ASIC2: variants seen among roughly 807,000 people sequenced by gnomAD.
ASIC2 encodes the protein acid sensing ion channel subunit 2.
A neutral mutation model predicts 57.3 loss-of-function variants in ASIC2; 25 were observed. That is an observed-to-expected ratio of 0.44 (90% CI 0.32 to 0.61). ASIC2 has a LOEUF of 0.61. ASIC2 is among the 20% of genes least tolerant of loss of function. ASIC2 has a pLI of 0.06. For synonymous variants in ASIC2, 319 were observed against 307.5 expected (o/e 1.04, Z -0.39); for missense variants, 641 against 738.1 (o/e 0.87, Z 1.52).
At chr17:33,697,260 G>C (rs778121070) in intron 1 of ASIC2, among the ~76,000 whole-genome samples, 13 of 152,118 alleles carry the variant, frequency 8.5e-5, no homozygotes, top group Non-Finnish European at 1.8e-4. Flanking sequence ...CCAGTCTCAG[G>C]TATCTCTTTA....
At chr17:34,140,814 T>A (rs1476305405) in intron 1 of ASIC2, among the ~76,000 whole-genome samples, 3 of 152,052 alleles carry the variant, frequency 2.0e-5, no homozygotes, top group Non-Finnish European at 4.4e-5. Flanking sequence ...CTAATAAATG[T>A]AGAAAGGATG....
intron 1 of ASIC2, among the ~76,000 whole-genome samples, chr17:33,203,034 G>A (rs917331590): frequency 4.6e-5 from 7 of 152,202 alleles, no homozygotes; most frequent in Non-Finnish European, 8.8e-5. Flanking sequence ...CGAGAAAGGT[G>A]GCACGTGGTG....
intron 1 of ASIC2, among the ~76,000 whole-genome samples, chr17:33,340,874 G>A (rs1480000052): frequency 1.3e-5 from 2 of 152,094 alleles, no homozygotes; most frequent in East Asian, 3.9e-4. Context: ...GCATCATTTA[G>A]GGAGGAACTC....
chr17:33,600,504 G>A (rs1195152944), intron 1 of ASIC2, among the ~76,000 whole-genome samples: 2 of 152,212 alleles, frequency 1.3e-5, no homozygotes, highest in Admixed American at 1.3e-4. Flanking sequence ...CTGAAAATGT[G>A]GAAATGGCTT....
At chr17:34,046,930 G>A (rs975414946) in intron 1 of ASIC2, among the ~76,000 whole-genome samples, 1 of 151,996 alleles carries the variant, frequency 6.6e-6, no homozygotes, top group Non-Finnish European at 1.5e-5. Context: ...CTAATCACAA[G>A]AGCTACCAAT....
At chr17:33,729,589 G>A (rs1668129744) in intron 1 of ASIC2, among the ~76,000 whole-genome samples, 1 of 152,210 alleles carries the variant, frequency 6.6e-6, no homozygotes. Flanking sequence ...TCCAGAGCCA[G>A]ATTCTAGAGG....
intron 1 of ASIC2, among the ~76,000 whole-genome samples, chr17:33,464,900 AG>A (rs1284698475): frequency 6.6e-6 from 1 of 152,020 alleles, no homozygotes; most frequent in Non-Finnish European, 1.5e-5. Flanking sequence ...ACAGTTTACA[AG>A]TACCAACAAG....
intron 1 of ASIC2, among the ~76,000 whole-genome samples, chr17:33,989,537 G>T (rs1003350733): frequency 3.3e-5 from 5 of 152,138 alleles, no homozygotes; most frequent in Non-Finnish European, 2.9e-5. Flanking sequence ...CTCTTTTGTG[G>T]TAGGCACGCC....
intron 1 of ASIC2, among the ~76,000 whole-genome samples, chr17:33,426,326 C>T (rs1051767884): frequency 2.6e-5 from 4 of 152,144 alleles, no homozygotes; most frequent in South Asian, 4.1e-4. Flanking sequence ...TTTTAAGAGA[C>T]GTGAATGCTC....
intron 1 of ASIC2, among the ~76,000 whole-genome samples, chr17:34,117,966 C>G (rs1233571633): frequency 6.6e-6 from 1 of 152,186 alleles, no homozygotes; most frequent in Non-Finnish European, 1.5e-5. Flanking sequence ...CTTTGAATGC[C>G]ATTCTCTAGT....
At chr17:33,264,677 CCT>C (rs767390613) in intron 1 of ASIC2, among the ~76,000 whole-genome samples, 18 of 152,224 alleles carry the variant, frequency 1.2e-4, no homozygotes, top group Non-Finnish European at 1.6e-4. Flanking sequence ...CTTTGGTCCC[CCT>C]GTTTCCACCT....
At position 33,671,935 on chromosome 17, in the gene ASIC2, T is replaced by C. The variant is rs191689510; in HGVS notation, c.555+484043A>G. 3.5e-4 allele frequency among the ~76,000 whole-genome samples: 54 copies of C among 152,340 alleles called. 1 individual carries two copies. The highest frequency in any genetic ancestry group is 1.3e-3 in the African/African-American group (52 of 41,576). Reference sequence around the variant, plus strand: ...CCACTTTCTGTGATCATTACCTGTGTTGCTCCCCACTTTAAATCAATTGAA... The same window carrying C: ...CCACTTTCTGTGATCATTACCTGTGCTGCTCCCCACTTTAAATCAATTGAA... On this transcript the variant is annotated intron_variant, in intron 1 of 9. Transcript: ENST00000359872.
At chr17:33,934,354 A>C (rs1916012151) in intron 1 of ASIC2, among the ~76,000 whole-genome samples, 1 of 152,146 alleles carries the variant, frequency 6.6e-6, no homozygotes, top group African/African-American at 2.4e-5. Flanking sequence ...TTTTCTTGTT[A>C]CTTTAGCAAC....
chr17:33,246,750 T>C (rs1908704446), intron 1 of ASIC2, among the ~76,000 whole-genome samples: 1 of 152,180 alleles, frequency 6.6e-6, no homozygotes, highest in African/African-American at 2.4e-5. Flanking sequence ...ATTCCTATAG[T>C]CACATAGAAG....
At chr17:33,411,248 A>C (rs1037524662) in intron 1 of ASIC2, among the ~76,000 whole-genome samples, 1 of 151,896 alleles carries the variant, frequency 6.6e-6, no homozygotes, top group African/African-American at 2.4e-5. Flanking sequence ...TAGAATAACA[A>C]TTTTCTACCC....
chr17:33,858,561 C>G (rs1337040833), intron 1 of ASIC2, among the ~76,000 whole-genome samples: 2 of 152,214 alleles, frequency 1.3e-5, no homozygotes, highest in Admixed American at 1.3e-4. Flanking sequence ...AGCCTGAGTC[C>G]CTGTGAGCAG....
chr17:34,015,587 AT>A (rs962022599), intron 1 of ASIC2, among the ~76,000 whole-genome samples: 6 of 152,210 alleles, frequency 3.9e-5, no homozygotes, highest in African/African-American at 1.4e-4. Context: ...ATGTTGTGGA[AT>A]TTTTTTACAA....
intron 1 of ASIC2, among the ~76,000 whole-genome samples, chr17:34,089,159 G>C (rs544443271): frequency 4.6e-5 from 7 of 152,296 alleles, no homozygotes; most frequent in African/African-American, 1.4e-4. Context: ...GACTGGAGCT[G>C]TTCCTATTCC....
intron 1 of ASIC2, among the ~76,000 whole-genome samples, chr17:33,213,605 G>A (rs73982465): frequency 1.5e-4 from 23 of 152,228 alleles, no homozygotes; most frequent in Middle Eastern, 6.8e-3. Context: ...ATCGTCCTGC[G>A]GTCTCTAAGT....
Sources: allele counts gnomAD v4.1 joint callset (sites outside exome capture counted in the v4.1 genomes callset), GRCh38; gene constraint gnomAD v4.1.1; transcripts MANE v1.5; gene names NCBI Gene and HGNC (gene_info 2026-07-23, HGNC 2026-07-21).